The following MON2 variants were observed in gnomAD, a reference collection of about 807,000 sequenced individuals.
MON2 encodes protein MON2 homolog.
A neutral mutation model predicts 208.6 loss-of-function variants in MON2; 84 were observed. The observed-to-expected ratio is 0.40, with a 90% CI of 0.34 to 0.48. The LOEUF (loss-of-function observed/expected upper bound fraction) is 0.48. Ranked by LOEUF, MON2 falls within the 20% of genes least tolerant of loss-of-function variation. The pLI is 0.59. For missense variants in MON2, 1,611 were observed against 2,015.4 expected, an observed-to-expected ratio of 0.80 and a Z score of 3.84; for synonymous variants, 660 against 694.0, an observed-to-expected ratio of 0.95 and a Z score of 0.77.
At chr12:62,572,942 T>A (rs1388074134) in intron 30 of MON2, among the ~76,000 whole-genome samples, 3 of 152,134 alleles carry the variant, frequency 2.0e-5, no homozygotes, top group Admixed American at 6.5e-5. Context: ...CTGAAAAAAA[T>A]TTTCTTTACT....
intron 32 of MON2, among the ~76,000 whole-genome samples, chr12:62,584,191 C>T (rs1005553090): frequency 7.9e-5 from 12 of 151,930 alleles, no homozygotes; most frequent in African/African-American, 2.7e-4. Flanking sequence ...CTGAGTTGTA[C>T]CCCCTGAATT....
At chr12:62,574,896 G>A (rs553071405) in intron 30 of MON2, among the ~76,000 whole-genome samples, 1 of 152,114 alleles carries the variant, frequency 6.6e-6, no homozygotes, top group Non-Finnish European at 1.5e-5. Context: ...GGCCAAGTTG[G>A]GTGGATTGCT....
intron 7 of MON2, among the ~76,000 whole-genome samples, chr12:62,506,737 A>AC (rs1296015750): frequency 3.3e-5 from 5 of 151,642 alleles, no homozygotes; most frequent in South Asian, 2.1e-4. Flanking sequence ...AAAAAAAAAA[A>AC]AGATACATTT....
At position 62,598,844 on chromosome 12, in the gene MON2, A is replaced by G. The variant is rs181688416; in HGVS notation, c.*6095A>G. ...TATATAGTTATAACTGTGATTGTACAGATTGTTTATTTGTTTTACAGCTAA... is the reference window on the plus strand; with the variant it reads ...TATATAGTTATAACTGTGATTGTACGGATTGTTTATTTGTTTTACAGCTAA... On this transcript the variant is annotated 3_prime_UTR_variant, in exon 35 of 35. Transcript: ENST00000393630. 7.9e-4 allele frequency: 121 copies of G among 152,306 alleles called. No homozygotes were observed. The highest frequency in any genetic ancestry group is 2.9e-3 in the African/African-American group (119 of 41,578). The allele number at this position is 152,306 out of a possible 1,614,324, so 9.4% of individuals were successfully genotyped here. A position where few individuals can be genotyped will look rare whatever the true frequency, so the allele number is the denominator to read the frequency against.
chr12:62,553,037 C>T lies in MON2; in HGVS notation c.3073C>T (p.Leu1025Phe), dbSNP rs751686742. The change falls in exon 24 of 35, where the codon CTT becomes TTT. Residue 1025 changes from leucine to phenylalanine, a missense_variant. Physicochemically the swap from Leu to Phe is conservative, Grantham distance 22. Transcript: ENST00000393630. ...APPFDCLWLCLYAKLGELCVD... is the reference protein window; with the variant it reads ...APPFDCLWLCFYAKLGELCVD... ...GCCATTTGATTGCTTGTGGTTATGT[C>T]TTTATGCAAAATTGGGTGAACTATG... is the stretch of plus-strand genomic sequence containing the variant. 11 of 1,614,144 alleles carry T rather than the reference C, an allele frequency of 6.8e-6. No individual in the cohort carries two copies. In the South Asian group the frequency reaches 1.1e-4, roughly 16 times the overall value.
At chr12:62,501,378 G>A (rs2070821719) in intron 6 of MON2, among the ~76,000 whole-genome samples, 195 bp from the exon 7 acceptor site, 1 of 152,134 alleles carries the variant, frequency 6.6e-6, no homozygotes, top group East Asian at 1.9e-4. Context: ...GTAGTTATAT[G>A]ATTCTTTAGA....
intron 33 of MON2, among the ~76,000 whole-genome samples, chr12:62,586,697 G>T (rs1233595933): frequency 6.6e-6 from 1 of 152,094 alleles, no homozygotes; most frequent in Non-Finnish European, 1.5e-5. Context: ...ATTTGGCTAT[G>T]GGCATGATTG....
In MON2 at chr12:62,529,106, A is replaced by G. The variant is rs188266458; in HGVS notation, c.1400+3004A>G. Among the ~76,000 whole-genome samples the G allele has an allele frequency of 6.4e-4, 98 of 152,240 alleles. 1 individual carries two copies. Among genetic ancestry groups the G allele is most frequent in the African/African-American group, 2.3e-3 (95 of 41,558 alleles). ...CCATTTATAAGTGAGAACGTGCAGTATTTGGTTTTCTGTTCCGGCGTTAGT... is the reference window on the plus strand; with the variant it reads ...CCATTTATAAGTGAGAACGTGCAGTGTTTGGTTTTCTGTTCCGGCGTTAGT... On this transcript the variant is annotated intron_variant, in intron 11 of 34. Transcript: ENST00000393630.
At chr12:62,553,233 T>G (rs761285706) in intron 24 of MON2, 59 bp downstream of exon 24, 2 of 1,386,886 alleles carry the variant, frequency 1.4e-6, no homozygotes, top group Admixed American at 4.5e-5. Flanking sequence ...ATATTAATAC[T>G]TTTTCAGTTA....
In MON2 at chr12:62,585,329, T is replaced by C. The variant is rs1042972388; in HGVS notation, c.4735T>C (p.Ser1579Pro). The C allele has an allele frequency of 8.7e-6, 14 of 1,613,648 alleles. No individual in the cohort carries two copies. The highest frequency in any genetic ancestry group is 2.7e-5 in the African/African-American group (2 of 74,888). The change falls in exon 33 of 35, where the codon TCT becomes CCT. Residue 1579 changes from serine (S) to proline (P), a missense_variant. Physicochemically the swap from Ser to Pro is moderately conservative, Grantham distance 74. Coordinates refer to ENST00000393630, the MANE Select transcript of MON2 (RefSeq NM_015026.3). The part of the protein sequence containing the change: ...EIDIRLREEF[S>P]KMCFETLLQF... ...TGATATTCGTTTGAGAGAGGAATTT[T>C]CTAAAATGTGTTTTGAAACATTACT...
chr12:62,536,868 T>A (rs1168873410), intron 14 of MON2, among the ~76,000 whole-genome samples: 1 of 151,996 alleles, frequency 6.6e-6, no homozygotes, highest in Non-Finnish European at 1.5e-5. Context: ...TTTGTATTTT[T>A]AGAAGAGTCA....
intron 25 of MON2, among the ~76,000 whole-genome samples, chr12:62,556,430 A>G (rs1281211015): frequency 6.6e-6 from 1 of 152,164 alleles, no homozygotes; most frequent in Non-Finnish European, 1.5e-5. Context: ...TAATTACATA[A>G]ATAAAGGCGA....
At position 62,501,650 on chromosome 12, in the gene MON2, C is replaced by G; in HGVS notation, c.741C>G (p.Leu247=). The G allele has an allele frequency of 6.2e-7, 1 of 1,614,076 alleles. No homozygotes were observed. Among genetic ancestry groups the G allele is most frequent in the South Asian group, 1.1e-5 (1 of 91,076 alleles). The change falls in exon 7 of 35, where the codon CTC becomes CTG. Residue 247 remains leucine (L), a synonymous_variant. Coordinates refer to ENST00000393630, the MANE Select transcript of MON2 (RefSeq NM_015026.3). ...GMTEMTRTFG[L]ELLESVLNDF... Reference sequence around the variant, plus strand: ...CAGAAATGACTCGGACGTTTGGCCTCGAATTACTTGAGTCAGTCCTCAATG... The same window carrying G: ...CAGAAATGACTCGGACGTTTGGCCTGGAATTACTTGAGTCAGTCCTCAATG...
chr12:62,534,176 T>A (rs2072792432), intron 12 of MON2, among the ~76,000 whole-genome samples: 1 of 151,478 alleles, frequency 6.6e-6, no homozygotes, highest in Non-Finnish European at 1.5e-5. Flanking sequence ...GGATTGCTTG[T>A]GCCCAGGAGT....
chr12:62,583,224 T>G (rs984645122), intron 32 of MON2, among the ~76,000 whole-genome samples: 2 of 151,968 alleles, frequency 1.3e-5, no homozygotes, highest in Non-Finnish European at 2.9e-5. Flanking sequence ...CCCAGTTACT[T>G]GGGAGGCTGA....
chr12:62,510,434 G>A lies in MON2; in HGVS notation c.984+1954G>A, dbSNP rs866728898. On this transcript the variant is annotated intron_variant, in intron 8 of 34. Transcript: ENST00000393630. ...CAACAGCATTTTAAAAGGATTCCAC[G>A]CCATGACCAAGTGGGATCTATCCCT... 3.9e-5 allele frequency among the ~76,000 whole-genome samples: 6 copies of A among 152,236 alleles called. No individual in the cohort carries two copies. In the South Asian group the frequency reaches 6.2e-4, roughly 16 times the overall value.
intron 7 of MON2, among the ~76,000 whole-genome samples, chr12:62,505,373 G>C (rs2071046225): frequency 6.6e-6 from 1 of 152,144 alleles, no homozygotes; most frequent in Non-Finnish European, 1.5e-5. Flanking sequence ...GAGTGAATGA[G>C]ATTTTCTGTG....
chr12:62,563,477 C>T (rs2074269261), intron 26 of MON2, among the ~76,000 whole-genome samples: 2 of 152,038 alleles, frequency 1.3e-5, no homozygotes, highest in Non-Finnish European at 2.9e-5. Flanking sequence ...AAATAGACAG[C>T]TTTCAAGGAC....
chr12:62,499,888 T>C (rs2070740076), intron 5 of MON2, among the ~76,000 whole-genome samples: 1 of 152,082 alleles, frequency 6.6e-6, no homozygotes, highest in Non-Finnish European at 1.5e-5. Flanking sequence ...AAAAAAATTT[T>C]TTTTAAAATA....
Sources: allele counts gnomAD v4.1 joint callset (sites outside exome capture counted in the v4.1 genomes callset), GRCh38; gene constraint gnomAD v4.1.1; transcripts MANE v1.5; gene names NCBI Gene and HGNC (gene_info 2026-07-23, HGNC 2026-07-21).